Variants in CREB3L2 observed in about 807,000 individuals in gnomAD.
The protein encoded by CREB3L2 is cAMP responsive element binding protein 3 like 2.
CREB3L2 carries 23 observed loss-of-function variants against 57.2 expected under a neutral mutation model. The observed-to-expected ratio is 0.40, with a 90% CI of 0.29 to 0.57. The LOEUF is 0.57. Among genes scored for constraint, CREB3L2 ranks in the 20% least tolerant of loss-of-function variants. The probability of loss-of-function intolerance (pLI) is 0.42; values close to 1 mark genes in which losing one functional copy is unlikely to be tolerated. For synonymous variants in CREB3L2, 268 were observed against 265.1 expected, an observed-to-expected ratio of 1.01 and a Z score of -0.11; for missense variants, 628 against 634.7, an observed-to-expected ratio of 0.99 and a Z score of 0.11.
rs149815542 is a variant in CREB3L2 at position 137,961,112 on chromosome 7, A to G, written c.103-32746T>C. On this transcript the variant is annotated intron_variant, in intron 1 of 11. Transcript: ENST00000330387. ...AAAGAAATGTGGGCTTAAAAAACCA[A>G]TCTATTATTTTAGGAAGAAGCCTAC... Among the ~76,000 whole-genome samples, 1,430 of 147,944 alleles carry G rather than the reference A, an allele frequency of 9.7e-3. 12 individuals carry two copies. Among genetic ancestry groups the G allele is most frequent in the Admixed American group, 0.02 (287 of 14,512 alleles).
intron 2 of CREB3L2, among the ~76,000 whole-genome samples, chr7:137,927,470 G>A (rs551173209): frequency 6.6e-6 from 1 of 151,838 alleles, no homozygotes; most frequent in South Asian, 2.1e-4. Context: ...AAAAAGAAAA[G>A]AAGAAAAGAA....
intron 1 of CREB3L2, among the ~76,000 whole-genome samples, chr7:137,991,746 A>C (rs1801901708): frequency 6.6e-6 from 1 of 151,930 alleles, no homozygotes; most frequent in South Asian, 2.1e-4. Flanking sequence ...GTCTCTACTA[A>C]AAATACAAAA....
chr7:137,911,138 CA>C (rs1799997193), intron 4 of CREB3L2, among the ~76,000 whole-genome samples: 1 of 152,160 alleles, frequency 6.6e-6, no homozygotes, highest in Admixed American at 6.5e-5. Flanking sequence ...CAAACGAAAG[CA>C]ATTACTTTGA....
At position 137,879,226 on chromosome 7, in the gene CREB3L2, G is replaced by C; in HGVS notation, c.*1250C>G. The C allele has an allele frequency of 1.9e-6, 1 of 534,924 alleles. No homozygotes were observed. Among genetic ancestry groups the C allele is most frequent in the Non-Finnish European group, 3.6e-6 (1 of 275,494 alleles). 33.1% of individuals were successfully genotyped at this position (534,924 alleles called of 1,614,324 possible). ...GGGATTAGGTTGTATCTCTTTGGGCGAGCTGCAAAGTAGCCAAACCTGACT... is the reference window on the plus strand; with the variant it reads ...GGGATTAGGTTGTATCTCTTTGGGCCAGCTGCAAAGTAGCCAAACCTGACT... On this transcript the variant is annotated 3_prime_UTR_variant, in exon 12 of 12. Transcript: ENST00000330387.
At position 137,955,180 on chromosome 7, in the gene CREB3L2, A is replaced by G. The variant is rs543752963; in HGVS notation, c.103-26814T>C. On this transcript the variant is annotated intron_variant, in intron 1 of 11. Coordinates refer to ENST00000330387, the MANE Select transcript of CREB3L2 (RefSeq NM_194071.4). ...GTTACAGATACGCTACTACTTCATCATTAGAAACCCCCTGAAATCCTTGCC... is the reference window on the plus strand; with the variant it reads ...GTTACAGATACGCTACTACTTCATCGTTAGAAACCCCCTGAAATCCTTGCC... The G allele has an allele frequency of 6.4e-6, 5 of 787,152 alleles. No individual in the cohort carries two copies. In the South Asian group the frequency reaches 7.0e-5, roughly 11 times the overall value. The allele number at this position is 787,152 out of a possible 1,614,324, so 48.8% of individuals were successfully genotyped here.
At chr7:137,901,997 T>C (rs1235570330) in intron 7 of CREB3L2, among the ~76,000 whole-genome samples, 3 of 148,570 alleles carry the variant, frequency 2.0e-5, no homozygotes, top group African/African-American at 4.9e-5. Flanking sequence ...AGCTCAAGAA[T>C]AGCCTGGCCA....
At chr7:137,902,426 G>C (rs1391568088) in intron 7 of CREB3L2, among the ~76,000 whole-genome samples, 1 of 152,122 alleles carries the variant, frequency 6.6e-6, no homozygotes, top group Non-Finnish European at 1.5e-5. Context: ...CTTAAGCAAA[G>C]GGCAGGACGA....
intron 4 of CREB3L2, among the ~76,000 whole-genome samples, chr7:137,912,540 T>A (rs963463438): frequency 6.6e-6 from 1 of 152,186 alleles, no homozygotes; most frequent in Non-Finnish European, 1.5e-5. Context: ...TTACAAACAA[T>A]GAATTGGCCA....
At chr7:137,975,884 C>T (rs1801599432) in intron 1 of CREB3L2, among the ~76,000 whole-genome samples, 1 of 152,166 alleles carries the variant, frequency 6.6e-6, no homozygotes, top group South Asian at 2.1e-4. Context: ...AAAGGCTGAC[C>T]TTAGAATCAT....
At position 137,908,429 on chromosome 7, in the gene CREB3L2, C is replaced by T; in HGVS notation, c.591G>A (p.Val197=). The part of the protein sequence containing the change: ...FLNFSPKEAP[V]DHLHLPPTPP... ...GGGTGGGCGGCAAATGCAGGTGGTC[C>T]ACTGGGGCTGCAAAAAAGGAAGCAC... The change falls in exon 5 of 12, where the codon GTG becomes GTA. Residue 197 remains valine (V), a synonymous_variant. Coordinates refer to ENST00000330387, the MANE Select transcript of CREB3L2 (RefSeq NM_194071.4). 7.9e-7 allele frequency: 1 copy of T among 1,264,014 alleles called. No homozygotes were observed. Among genetic ancestry groups the T allele is most frequent in the African/African-American group, 1.5e-5 (1 of 64,604 alleles). 78.3% of individuals were successfully genotyped at this position (1,264,014 alleles called of 1,614,324 possible).
chr7:137,885,373 G>A, intron 9 of CREB3L2, 30 bp downstream of exon 9: 1 of 1,579,802 alleles, frequency 6.3e-7, no homozygotes, highest in Non-Finnish European at 8.7e-7. Context: ...GCCAGGGGCG[G>A]TCACTGTGCT....
intron 1 of CREB3L2, among the ~76,000 whole-genome samples, chr7:137,966,839 T>C (rs1319929164): frequency 1.3e-5 from 2 of 152,144 alleles, no homozygotes; most frequent in Non-Finnish European, 2.9e-5. Flanking sequence ...TCATTACACA[T>C]GGATTCTCAA....
At chr7:137,922,393 T>TAC (rs1800315981) in intron 2 of CREB3L2, among the ~76,000 whole-genome samples, 1 of 20,108 alleles carries the variant, frequency 5.0e-5, no homozygotes, top group Non-Finnish European at 7.8e-5. Flanking sequence ...TGTATATATA[T>TAC]ATATATATAT....
At chr7:137,942,699 A>G (rs534403480) in intron 1 of CREB3L2, among the ~76,000 whole-genome samples, 69 of 152,354 alleles carry the variant, frequency 4.5e-4, no homozygotes, top group African/African-American at 1.6e-3. Context: ...GTCCTGCTGG[A>G]AAACACATGC....
At chr7:137,893,755 A>T (rs1799566836) in intron 8 of CREB3L2, among the ~76,000 whole-genome samples, 1 of 152,240 alleles carries the variant, frequency 6.6e-6, no homozygotes, top group African/African-American at 2.4e-5. Context: ...TCAAAGAAAA[A>T]GATTAAGGAA....
chr7:137,951,965 G>A (rs548439715), intron 1 of CREB3L2, among the ~76,000 whole-genome samples: 1 of 152,264 alleles, frequency 6.6e-6, no homozygotes, highest in Admixed American at 6.5e-5. Flanking sequence ...ACTATAACCT[G>A]GGTGACAGAG....
Position 137,988,621 on chromosome 7 carries a change from T to C in CREB3L2, c.102+12983A>G, listed in dbSNP as rs573557739. ...AAAAGACTCACACCTTGGAGTCATG[T>C]GGTGAATCCCAACACTCTTGAACAG... On this transcript the variant is annotated intron_variant, in intron 1 of 11. Coordinates refer to ENST00000330387, the MANE Select transcript of CREB3L2 (RefSeq NM_194071.4). Among the ~76,000 whole-genome samples, 4 of 152,262 alleles carry C rather than the reference T, an allele frequency of 2.6e-5. No individual in the cohort carries two copies. The South Asian group carries it at 8.3e-4, about 32-fold the overall frequency.
intron 1 of CREB3L2, among the ~76,000 whole-genome samples, chr7:137,970,471 A>C (rs892335214): frequency 1.1e-4 from 17 of 152,318 alleles, no homozygotes; most frequent in Non-Finnish European, 1.5e-4. Flanking sequence ...TCCACCAAAT[A>C]AAGTTCCTTA....
rs957179549 is a variant in CREB3L2 at position 137,903,979 on chromosome 7, G to A, written c.954C>T (p.Tyr318=). Residue 318 remains tyrosine, a synonymous_variant, in exon 7 of 12, where the codon TAC becomes TAT. Coordinates refer to ENST00000330387, the MANE Select transcript of CREB3L2 (RefSeq NM_194071.4). ...CTTACTTTTTCTCCAGGCTGTCCAT[G>A]TATTCTTTCTTCTTTCTCCTACTTT... ...AQESRRKKKE[Y]MDSLEKKVES... 4.3e-6 allele frequency: 7 copies of A among 1,613,776 alleles called. No individual in the cohort carries two copies. The highest frequency in any genetic ancestry group is 5.1e-6 in the Non-Finnish European group (6 of 1,179,750).
Sources: gnomAD v4.1 joint callset for allele counts (sites outside exome capture counted in the v4.1 genomes callset) on GRCh38, gnomAD v4.1.1 for gene constraint, MANE v1.5 for transcripts, NCBI Gene and HGNC (gene_info 2026-07-23, HGNC 2026-07-21) for gene names.